Variants in TIA1 observed in about 807,000 individuals in gnomAD.
TIA1 encodes TIA1 cytotoxic granule associated RNA binding protein.
A neutral mutation model predicts 65.9 loss-of-function variants in TIA1; 23 were observed. The observed-to-expected ratio is 0.35, with a 90% CI of 0.25 to 0.49. The LOEUF (loss-of-function observed/expected upper bound fraction) is 0.49. TIA1 is among the 20% of genes least tolerant of loss of function. The pLI is 0.98. For missense variants in TIA1, 371 were observed against 477.9 expected (o/e 0.78, Z 2.09); for synonymous variants, 147 against 149.4 (o/e 0.98, Z 0.12).
chr2:70,216,160 TC>T, intron 10 of TIA1, 47 bp downstream of exon 10: 2 of 1,352,172 alleles, frequency 1.5e-6, no homozygotes, highest in Non-Finnish European at 2.0e-6. Context: ...TTTCTGGTTT[TC>T]CAGTTACATT....
intron 7 of TIA1, 153 bp from the exon 8 acceptor site, chr2:70,217,147 A>G: frequency 3.6e-6 from 2 of 555,692 alleles, no homozygotes; most frequent in East Asian, 3.3e-5. Flanking sequence ...CTAAAATGCA[A>G]TGGTGCTTTT....
At chr2:70,220,873 A>G (rs1013966627) in intron 7 of TIA1, among the ~76,000 whole-genome samples, 2 of 151,558 alleles carry the variant, frequency 1.3e-5, no homozygotes, top group Admixed American at 6.6e-5. Context: ...TTTGATTAAG[A>G]GATACTAGAT....
intron 11 of TIA1, 165 bp downstream of exon 11, chr2:70,215,206 C>T (rs981173558): frequency 1.5e-5 from 12 of 813,546 alleles, no homozygotes; most frequent in Non-Finnish European, 2.3e-5. Flanking sequence ...CATGTCACCA[C>T]TGCAATCCAT....
chr2:70,228,143 A>G (rs1684603180), intron 5 of TIA1, among the ~76,000 whole-genome samples: 1 of 152,198 alleles, frequency 6.6e-6, no homozygotes, highest in Non-Finnish European at 1.5e-5. Context: ...AAAAAATTTA[A>G]TGACTTAGTT....
chr2:70,246,168 C>T (rs533428224), intron 1 of TIA1, among the ~76,000 whole-genome samples: 1 of 152,210 alleles, frequency 6.6e-6, no homozygotes, highest in Admixed American at 6.5e-5. Context: ...AAGTGATCCA[C>T]CCTCCTCAGC....
chr2:70,215,671 A>G (rs1678276950), intron 10 of TIA1, 177 bp from the exon 11 acceptor site: 1 of 579,398 alleles, frequency 1.7e-6, no homozygotes, highest in African/African-American at 1.9e-5. Flanking sequence ...GTTAACAAAG[A>G]ATGTGTGTTT....
intron 3 of TIA1, among the ~76,000 whole-genome samples, chr2:70,230,241 C>CAAA (rs111994578): frequency 5.2e-5 from 5 of 96,988 alleles, no homozygotes; most frequent in African/African-American, 1.7e-4. Flanking sequence ...AGACCCAACT[C>CAAA]AAAAAAAAAA....
At chr2:70,240,164 A>G (rs1415229087) in intron 1 of TIA1, among the ~76,000 whole-genome samples, 1 of 152,194 alleles carries the variant, frequency 6.6e-6, no homozygotes, top group Non-Finnish European at 1.5e-5. Context: ...TGTTACCACT[A>G]TGACCCAGTG....
intron 1 of TIA1, among the ~76,000 whole-genome samples, chr2:70,243,860 A>C (rs1044787110): frequency 2.6e-5 from 4 of 152,160 alleles, no homozygotes; most frequent in African/African-American, 9.7e-5. Context: ...ACCAGCACTA[A>C]CTACAATTAC....
At position 70,216,429 on chromosome 2, in the gene TIA1, A is replaced by G. The variant is rs1379186021; in HGVS notation, c.654T>C (p.Cys218=). Residue 218 remains cysteine, a synonymous_variant, in exon 9 of 13, where the codon TGT becomes TGC. Transcript: ENST00000433529. ...CTGTTAGCCCAGAAGTAACACCTCC[A>G]CAGTATACAGTACAGTTGCTTGGAC... ...QSSPSNCTVY[C]GGVTSGLTEQ... 1 of 1,613,418 alleles carries G rather than the reference A, an allele frequency of 6.2e-7. No homozygotes were observed. The highest frequency in any genetic ancestry group is 8.5e-7 in the Non-Finnish European group (1 of 1,179,784).
At chr2:70,226,430 T>C (rs1209259486) in intron 6 of TIA1, among the ~76,000 whole-genome samples, 1 of 152,144 alleles carries the variant, frequency 6.6e-6, no homozygotes, top group Non-Finnish European at 1.5e-5. Context: ...GTTAGAAAAT[T>C]TTTTCTTCTT....
intron 7 of TIA1, among the ~76,000 whole-genome samples, chr2:70,218,494 C>T (rs966358934): frequency 2.6e-5 from 4 of 152,080 alleles, no homozygotes; most frequent in Non-Finnish European, 4.4e-5. Context: ...TGCAGTGGCG[C>T]GTTCTTGGCT....
intron 6 of TIA1, among the ~76,000 whole-genome samples, chr2:70,226,012 C>G (rs1007717387): frequency 6.6e-6 from 1 of 151,980 alleles, no homozygotes; most frequent in African/African-American, 2.4e-5. Flanking sequence ...CCTTTAACAA[C>G]AACAAAAAAT....
chr2:70,248,652 A>T (rs914381884), upstream of TIA1: 3 of 627,248 alleles, frequency 4.8e-6, no homozygotes, highest in Non-Finnish European at 8.3e-6. Flanking sequence ...AGGAGCAGCC[A>T]GCAAAGTTAC....
At chr2:70,244,200 T>A (rs1693169137) in intron 1 of TIA1, among the ~76,000 whole-genome samples, 3 of 152,112 alleles carry the variant, frequency 2.0e-5, no homozygotes, top group Admixed American at 2.0e-4. Flanking sequence ...AGCATGGCTC[T>A]CCCTCATCTC....
chr2:70,225,121 AC>A (rs1196537586), intron 6 of TIA1: 1 of 1,023,604 alleles, frequency 9.8e-7, no homozygotes, highest in Non-Finnish European at 1.2e-6. Context: ...ATCAATTTAT[AC>A]CCCCCTTTTT....
chr2:70,235,031 GACAAACAA>G lies in TIA1; in HGVS notation c.123+1040_123+1047del, dbSNP rs552786254. ...GCTATACCAAGACCCTGTCTTTCAAGACAAACAAACAAACAAACAAACAAACGAAAAGT... is the reference window on the plus strand; with the variant it reads ...GCTATACCAAGACCCTGTCTTTCAAGACAAACAAACAAACAAACGAAAAGT... On this transcript the variant is annotated intron_variant, in intron 2 of 12. Transcript: ENST00000433529. Among the ~76,000 whole-genome samples the G allele has an allele frequency of 1.0e-3, 155 of 152,030 alleles. 1 individual carries two copies. The highest frequency in any genetic ancestry group is 2.5e-3 in the African/African-American group (103 of 41,462).
chr2:70,229,977 G>A (rs375062540), intron 3 of TIA1, among the ~76,000 whole-genome samples: 3 of 149,756 alleles, frequency 2.0e-5, no homozygotes, highest in African/African-American at 7.4e-5. Flanking sequence ...GGTGGCTCAC[G>A]CCTGTAATCG....
intron 5 of TIA1, 129 bp from the exon 6 acceptor site, chr2:70,227,951 T>C: frequency 3.4e-6 from 2 of 588,646 alleles, no homozygotes; most frequent in Non-Finnish European, 5.8e-6. Context: ...TAAAACACTA[T>C]CCTATATCTA....
Sources: allele counts gnomAD v4.1 joint callset (sites outside exome capture counted in the v4.1 genomes callset), GRCh38; gene constraint gnomAD v4.1.1; transcripts MANE v1.5; gene names NCBI Gene and HGNC (gene_info 2026-07-23, HGNC 2026-07-21).